MAGI2: variants seen among roughly 807,000 people sequenced by gnomAD.
The protein encoded by MAGI2 is membrane associated guanylate kinase, WW and PDZ domain containing 2, also known as membrane-associated guanylate kinase, WW and PDZ domain-containing protein 2.
Under a neutral mutation model 133.3 loss-of-function variants are expected in MAGI2, and 35 were observed. The observed-to-expected ratio is 0.26, with a 90% CI of 0.20 to 0.35. The LOEUF (loss-of-function observed/expected upper bound fraction) is 0.35, where lower values mean the gene tolerates loss of function less well. MAGI2 is among the 10% of genes least tolerant of loss of function. MAGI2 has a pLI of 1.00. For synonymous variants in MAGI2, 729 were observed against 710.6 expected (o/e 1.03, Z -0.41); for missense variants, 1,636 against 1,863.4 (o/e 0.88, Z 2.25).
intron 2 of MAGI2, among the ~76,000 whole-genome samples, chr7:78,648,990 C>T (rs554092002): frequency 6.6e-6 from 1 of 151,934 alleles, no homozygotes; most frequent in South Asian, 2.1e-4. Flanking sequence ...GAAGCCCATA[C>T]CCTTAGCCAT....
chr7:79,402,092 T>TTAGCTGTCCTA (rs1434568829), intron 1 of MAGI2, among the ~76,000 whole-genome samples: 1 of 152,154 alleles, frequency 6.6e-6, no homozygotes, highest in Non-Finnish European at 1.5e-5. Flanking sequence ...TGACATACTT[T>TTAGCTGTCCTA]TAGCTGTCCT....
intron 3 of MAGI2, among the ~76,000 whole-genome samples, chr7:78,595,800 T>C (rs1249776803): frequency 6.6e-6 from 1 of 152,168 alleles, no homozygotes; most frequent in African/African-American, 2.4e-5. Flanking sequence ...ATTTTGAATG[T>C]ATCGGTAGAC....
At position 79,028,326 on chromosome 7, in the gene MAGI2, T is replaced by TAC. The variant is rs1554336478; in HGVS notation, c.302-21122_302-21121dup. ...ATATATATATATACACACATATATATACATATATATACACACACACACACA... is the reference window on the plus strand; with the variant it reads ...ATATATATATATACACACATATATATACACATATATATACACACACACACACA... On this transcript the variant is annotated intron_variant, in intron 1 of 21. Transcript: ENST00000354212. 1.8e-3 allele frequency among the ~76,000 whole-genome samples: 45 copies of TAC among 25,374 alleles called. 1 individual carries two copies. Among genetic ancestry groups the TAC allele is most frequent in the African/African-American group, 4.4e-3 (44 of 10,086 alleles). 16.6% of individuals were successfully genotyped at this position (25,374 alleles called of 152,430 possible). A position where few individuals can be genotyped will look rare whatever the true frequency, so the allele number is the denominator to read the frequency against.
At chr7:78,319,147 C>T (rs922356481) in intron 9 of MAGI2, among the ~76,000 whole-genome samples, 1 of 152,140 alleles carries the variant, frequency 6.6e-6, no homozygotes, top group Non-Finnish European at 1.5e-5. Flanking sequence ...GGACTAAATG[C>T]CCCAATTAAA....
At chr7:78,818,791 T>G (rs1378717983) in intron 2 of MAGI2, among the ~76,000 whole-genome samples, 1 of 152,098 alleles carries the variant, frequency 6.6e-6, no homozygotes, top group African/African-American at 2.4e-5. Context: ...CTTTTGTAGT[T>G]ATCATCCCCA....
chr7:79,195,836 A>C (rs192630980), intron 1 of MAGI2, among the ~76,000 whole-genome samples: 1 of 151,994 alleles, frequency 6.6e-6, no homozygotes, highest in African/African-American at 2.4e-5. Context: ...CCTGGAGGAC[A>C]TTATGTCAAG....
intron 1 of MAGI2, among the ~76,000 whole-genome samples, chr7:79,272,758 T>C (rs750203898): frequency 2.6e-5 from 4 of 152,064 alleles, no homozygotes; most frequent in Non-Finnish European, 4.4e-5. Flanking sequence ...CTCTATGACT[T>C]AAACAAAACA....
At chr7:78,762,690 T>C (rs758457359) in intron 2 of MAGI2, among the ~76,000 whole-genome samples, 1 of 152,148 alleles carries the variant, frequency 6.6e-6, no homozygotes, top group African/African-American at 2.4e-5. Flanking sequence ...GTATAGCTAG[T>C]GAGAGAAACA....
At chr7:78,786,917 A>AGTATTG (rs1826866489) in intron 2 of MAGI2, among the ~76,000 whole-genome samples, 1 of 151,670 alleles carries the variant, frequency 6.6e-6, no homozygotes, top group Non-Finnish European at 1.5e-5. Context: ...TGCCCCCAAT[A>AGTATTG]AGTATTGGTT....
chr7:78,472,180 TTGC>T (rs1336650335), intron 6 of MAGI2, among the ~76,000 whole-genome samples: 1 of 152,112 alleles, frequency 6.6e-6, no homozygotes, highest in African/African-American at 2.4e-5. Context: ...TCACAAATTT[TTGC>T]TGCTATTATG....
At chr7:78,045,172 T>C (rs528609168) in intron 21 of MAGI2, among the ~76,000 whole-genome samples, 34 of 151,912 alleles carry the variant, frequency 2.2e-4, no homozygotes, top group Non-Finnish European at 4.7e-4. Flanking sequence ...TCTCAAAAAA[T>C]AAATAAATAA....
intron 9 of MAGI2, chr7:78,285,561 G>A (rs1351091924): frequency 1.3e-5 from 2 of 152,130 alleles, no homozygotes; most frequent in African/African-American, 4.8e-5. Flanking sequence ...TAATGTCCTA[G>A]TTTGGGAAAT....
chr7:78,570,168 C>T (rs1040950535), intron 3 of MAGI2, among the ~76,000 whole-genome samples: 1 of 152,142 alleles, frequency 6.6e-6, no homozygotes, highest in African/African-American at 2.4e-5. Context: ...AGCCAGCTCA[C>T]AGGGTAGACA....
chr7:78,297,684 A>C lies in MAGI2; in HGVS notation c.1409-41103T>G, dbSNP rs981507424. ...ATTAGTTCATGTCCTTTGTAGGGAC[A>C]TGGATGAAATTGGAAATCATCATTC... On this transcript the variant is annotated intron_variant, in intron 9 of 21. Coordinates refer to ENST00000354212, the MANE Select transcript of MAGI2 (RefSeq NM_012301.4). Among the ~76,000 whole-genome samples the C allele has an allele frequency of 4.1e-4, 63 of 152,088 alleles. No homozygotes were observed. In the East Asian group the frequency reaches 7.9e-3, roughly 19 times the overall value.
At chr7:79,293,087 C>T (rs1388117467) in intron 1 of MAGI2, among the ~76,000 whole-genome samples, 1 of 152,140 alleles carries the variant, frequency 6.6e-6, no homozygotes, top group Non-Finnish European at 1.5e-5. Flanking sequence ...CACTTCTTTA[C>T]TGTTTCAGTT....
intron 1 of MAGI2, among the ~76,000 whole-genome samples, chr7:79,084,921 G>T (rs918912495): frequency 6.6e-6 from 1 of 151,492 alleles, no homozygotes; most frequent in African/African-American, 2.4e-5. Context: ...CATGATTTTC[G>T]ATAAGACTCA....
chr7:78,494,205 G>T (rs908207580), intron 5 of MAGI2, among the ~76,000 whole-genome samples: 5 of 152,022 alleles, frequency 3.3e-5, no homozygotes, highest in African/African-American at 1.2e-4. Context: ...CAATCTGCCT[G>T]CCTTGGCCTC....
At chr7:78,771,909 GTT>G (rs1056728797) in intron 2 of MAGI2, among the ~76,000 whole-genome samples, 27 of 152,252 alleles carry the variant, frequency 1.8e-4, no homozygotes, top group African/African-American at 6.0e-4. Flanking sequence ...TCCCTTCTCT[GTT>G]TCAGTGTCTC....
rs139247136 is a variant in MAGI2, at chr7:78,853,871, G to A, written c.418+153219C>T. Among the ~76,000 whole-genome samples the A allele has an allele frequency of 2.4e-3, 362 of 152,104 alleles. 3 individuals are homozygous for A. Among genetic ancestry groups the A allele is most frequent in the African/African-American group, 8.3e-3 (343 of 41,498 alleles). ...GACACTTGCAATACTAGAGTCTAGG[G>A]TTGAGGATAGGCACCCTGCAATGCC... is the stretch of plus-strand genomic sequence containing the variant. On this transcript the variant is annotated intron_variant, in intron 2 of 21. Transcript: ENST00000354212.
Sources: allele counts gnomAD v4.1 joint callset (sites outside exome capture counted in the v4.1 genomes callset), GRCh38; gene constraint gnomAD v4.1.1; transcripts MANE v1.5; gene names NCBI Gene and HGNC (gene_info 2026-07-23, HGNC 2026-07-21).